Variants in KCNH7 observed in about 807,000 individuals in gnomAD.
The protein encoded by KCNH7 is potassium voltage-gated channel subfamily H member 7, also known as voltage-gated inwardly rectifying potassium channel KCNH7.
KCNH7 carries 49 observed loss-of-function variants against 120.8 expected under a neutral mutation model. The ratio of observed to expected loss-of-function variants is 0.41; its 90% confidence interval spans 0.32 to 0.51. The LOEUF (loss-of-function observed/expected upper bound fraction) is 0.51. Ranked by LOEUF, KCNH7 falls within the 20% of genes least tolerant of loss-of-function variation. The pLI, the probability that KCNH7 is intolerant of heterozygous loss-of-function variation, is 0.38. For missense variants in KCNH7, 1,097 were observed against 1,446.6 expected (o/e 0.76, Z 3.92); for synonymous variants, 547 against 516.1 (o/e 1.06, Z -0.81).
At chr2:162,765,850 C>G (rs186370391) in intron 2 of KCNH7, among the ~76,000 whole-genome samples, 4 of 152,254 alleles carry the variant, frequency 2.6e-5, no homozygotes, top group Admixed American at 2.0e-4. Flanking sequence ...GCCTTGTGCT[C>G]TTGGGCTCAA....
At chr2:162,436,146 G>A (rs1314125410) in intron 7 of KCNH7, among the ~76,000 whole-genome samples, 1 of 151,934 alleles carries the variant, frequency 6.6e-6, no homozygotes, top group Non-Finnish European at 1.5e-5. Context: ...ATGACAGAGG[G>A]TATTTGGAGG....
intron 2 of KCNH7, among the ~76,000 whole-genome samples, chr2:162,693,603 G>A (rs757073984): frequency 6.6e-6 from 1 of 152,208 alleles, no homozygotes; most frequent in Non-Finnish European, 1.5e-5. Context: ...TTGCAAATCA[G>A]AATAGTTAAG....
At chr2:162,493,552 C>T (rs376673184) in intron 6 of KCNH7, among the ~76,000 whole-genome samples, 31 of 152,280 alleles carry the variant, frequency 2.0e-4, no homozygotes, top group African/African-American at 7.2e-4. Flanking sequence ...TTGAGAACTG[C>T]TCAACTTGCC....
intron 2 of KCNH7, among the ~76,000 whole-genome samples, chr2:162,587,405 G>C (rs1694054701): frequency 6.6e-6 from 1 of 152,036 alleles, no homozygotes; most frequent in South Asian, 2.1e-4. Context: ...TAACTTCCTA[G>C]AGCTCTCACA....
chr2:162,561,707 T>C (rs1205403968), intron 2 of KCNH7, among the ~76,000 whole-genome samples: 1 of 152,218 alleles, frequency 6.6e-6, no homozygotes, highest in Non-Finnish European at 1.5e-5. Flanking sequence ...GAAGTGTCTG[T>C]TCATATCCTT....
intron 6 of KCNH7, among the ~76,000 whole-genome samples, chr2:162,470,587 C>G (rs954711106): frequency 6.6e-6 from 1 of 151,650 alleles, no homozygotes; most frequent in Middle Eastern, 3.2e-3. Flanking sequence ...GGGGTCAGCC[C>G]CCGCCAGGCC....
chr2:162,681,278 G>A (rs190715686), intron 2 of KCNH7, among the ~76,000 whole-genome samples: 167 of 151,786 alleles, frequency 1.1e-3, no homozygotes, highest in Admixed American at 2.0e-3. Flanking sequence ...GTAGTGATGC[G>A]GAATGCAGTA....
At chr2:162,511,607 C>A (rs1226225634) in intron 5 of KCNH7, among the ~76,000 whole-genome samples, 2 of 151,480 alleles carry the variant, frequency 1.3e-5, no homozygotes, top group African/African-American at 4.8e-5. Context: ...GGGGATACTG[C>A]CATAATTTCC....
At chr2:162,559,810 A>G (rs975870439) in intron 2 of KCNH7, among the ~76,000 whole-genome samples, 1 of 152,198 alleles carries the variant, frequency 6.6e-6, no homozygotes, top group Admixed American at 6.5e-5. Context: ...AACACTGGAA[A>G]GAGAGAGGAG....
intron 2 of KCNH7, among the ~76,000 whole-genome samples, chr2:162,573,203 T>A (rs1693552694): frequency 6.6e-6 from 1 of 151,882 alleles, no homozygotes; most frequent in Non-Finnish European, 1.5e-5. Flanking sequence ...GTAAATAGGA[T>A]CATGTGTAGA....
intron 2 of KCNH7, among the ~76,000 whole-genome samples, chr2:162,578,250 AT>A (rs11325925): frequency 0.043 from 6,553 of 152,096 alleles, 279 homozygotes; most frequent in East Asian, 0.11. Context: ...ATGAAAAATA[AT>A]TTTTTAGCAA....
chr2:162,699,054 C>T (rs574142420), intron 2 of KCNH7, among the ~76,000 whole-genome samples: 1 of 151,958 alleles, frequency 6.6e-6, no homozygotes, highest in African/African-American at 2.4e-5. Context: ...TATGCATTAC[C>T]TCACATGCTT....
At chr2:162,771,831 G>T (rs926617265) in intron 2 of KCNH7, 1 of 151,942 alleles carries the variant, frequency 6.6e-6, no homozygotes, top group African/African-American at 2.4e-5. Flanking sequence ...ATACTATGTA[G>T]TTCACAAATA....
At chr2:162,469,132 G>A (rs1477529744) in intron 6 of KCNH7, among the ~76,000 whole-genome samples, 1 of 151,664 alleles carries the variant, frequency 6.6e-6, no homozygotes, top group Non-Finnish European at 1.5e-5. Flanking sequence ...GTGAGCAACT[G>A]TGCTTTGCCT....
At chr2:162,491,400 A>T (rs1690302776) in intron 6 of KCNH7, among the ~76,000 whole-genome samples, 1 of 151,964 alleles carries the variant, frequency 6.6e-6, no homozygotes, top group Non-Finnish European at 1.5e-5. Context: ...CTAGGCCAGG[A>T]CCCCAATTCA....
rs189559772 is a variant in KCNH7, at chr2:162,823,898, T to C, written c.307+12639A>G. 2.8e-4 allele frequency among the ~76,000 whole-genome samples: 42 copies of C among 152,294 alleles called. No individual in the cohort carries two copies. In the Middle Eastern group the frequency reaches 0.01, roughly 37 times the overall value. ...AAAAGAAAATTTAGATGTTACCAGT[T>C]ATTTTTTAATTGCCATATAAGAAGT... On this transcript the variant is annotated intron_variant, in intron 2 of 15. Coordinates refer to ENST00000332142, the MANE Select transcript of KCNH7 (RefSeq NM_033272.4).
chr2:162,503,952 T>C (rs1690775706), intron 6 of KCNH7, among the ~76,000 whole-genome samples: 1 of 151,644 alleles, frequency 6.6e-6, no homozygotes, highest in Non-Finnish European at 1.5e-5. Context: ...TCCAATAAAA[T>C]GTGGTGTTCC....
intron 2 of KCNH7, among the ~76,000 whole-genome samples, chr2:162,680,638 A>G (rs1028746581): frequency 4.6e-5 from 7 of 151,776 alleles, no homozygotes; most frequent in Admixed American, 4.0e-4. Context: ...GGAAGCTGCC[A>G]TTATACTAAT....
Position 162,400,173 on chromosome 2 carries a change from C to T in KCNH7, c.2407+16G>A, listed in dbSNP as rs1687030259. ...TAATAACTGAATCTGTCACCATGCA[C>T]TTCTAAAACACTCACCCAGAATAGC... On this transcript the variant is annotated intron_variant, in intron 10 of 15. Coordinates refer to ENST00000332142, the MANE Select transcript of KCNH7 (RefSeq NM_033272.4). 2 of 1,610,800 alleles carry T rather than the reference C, an allele frequency of 1.2e-6. No individual in the cohort carries two copies. Among genetic ancestry groups the T allele is most frequent in the South Asian group, 1.1e-5 (1 of 90,878 alleles).
Sources: gnomAD v4.1 joint callset for allele counts (sites outside exome capture counted in the v4.1 genomes callset) on GRCh38, gnomAD v4.1.1 for gene constraint, MANE v1.5 for transcripts, NCBI Gene and HGNC (gene_info 2026-07-23, HGNC 2026-07-21) for gene names.